SLC24A4: variants seen among roughly 807,000 people sequenced by gnomAD.
SLC24A4 encodes sodium/potassium/calcium exchanger 4.
SLC24A4 carries 53 observed loss-of-function variants against 79.0 expected under a neutral mutation model. That is an observed-to-expected ratio of 0.67 (90% CI 0.54 to 0.84). SLC24A4 has a LOEUF of 0.84. SLC24A4 is among the 40% of genes least tolerant of loss of function. The pLI is 0.00. For missense variants in SLC24A4, 731 were observed against 822.0 expected, an observed-to-expected ratio of 0.89 and a Z score of 1.35; for synonymous variants, 323 against 323.8, an observed-to-expected ratio of 1.00 and a Z score of 0.03.
intron 15 of SLC24A4, 116 bp downstream of exon 15, chr14:92,491,893 C>A: frequency 1.2e-6 from 1 of 808,362 alleles, no homozygotes; most frequent in East Asian, 2.6e-5. Flanking sequence ...ACTCAGACAC[C>A]CATTTTCCAT....
At chr14:92,444,525 A>T (rs1390122948) in intron 7 of SLC24A4, among the ~76,000 whole-genome samples, 1 of 152,220 alleles carries the variant, frequency 6.6e-6, no homozygotes, top group Non-Finnish European at 1.5e-5. Context: ...AAAATTAAGG[A>T]TTCACTAAAA....
At chr14:92,373,188 ACACACG>A (rs1475378624) in intron 2 of SLC24A4, among the ~76,000 whole-genome samples, 2 of 70,808 alleles carry the variant, frequency 2.8e-5, no homozygotes, top group African/African-American at 7.0e-5. Flanking sequence ...ACACACACAC[ACACACG>A]CACACACACA....
rs4900134 is a variant in SLC24A4, at chr14:92,500,776, T to C, written c.*7148T>C. 0.45 allele frequency: 68,385 copies of C among 152,250 alleles called. 16,193 individuals are homozygous for C. Among genetic ancestry groups the C allele is most frequent in the Non-Finnish European group, 0.53 (36,310 of 68,042 alleles). The allele number at this position is 152,250 out of a possible 1,614,324, so 9.4% of individuals were successfully genotyped here. ...CACACACTCCCTGGCAGGGCGCCTCTGCCTGTGTCTCCTGCCCAGCAGCCG... is the reference window on the plus strand; with the variant it reads ...CACACACTCCCTGGCAGGGCGCCTCCGCCTGTGTCTCCTGCCCAGCAGCCG... On this transcript the variant is annotated 3_prime_UTR_variant, in exon 17 of 17. Transcript: ENST00000532405.
At chr14:92,417,949 A>T (rs1247794257) in intron 2 of SLC24A4, among the ~76,000 whole-genome samples, 1 of 152,216 alleles carries the variant, frequency 6.6e-6, no homozygotes, top group Non-Finnish European at 1.5e-5. Flanking sequence ...TATACCCATC[A>T]TTAAGTAACA....
chr14:92,456,738 G>C, intron 12 of SLC24A4, 130 bp downstream of exon 12: 1 of 930,844 alleles, frequency 1.1e-6, no homozygotes, highest in South Asian at 1.6e-5. Context: ...GTCGATATTA[G>C]GTCACTGGAA....
chr14:92,364,968 C>T (rs139756619), intron 2 of SLC24A4, among the ~76,000 whole-genome samples: 1 of 152,354 alleles, frequency 6.6e-6, no homozygotes, highest in African/African-American at 2.4e-5. Flanking sequence ...CTGCCTTGCC[C>T]CTGCCCTTTC....
At position 92,456,427 on chromosome 14, in the gene SLC24A4, C is replaced by T; in HGVS notation, c.1074C>T (p.Ala358=). The change falls in exon 12 of 17, where the codon GCC becomes GCT. Residue 358 remains alanine (A), a synonymous_variant. Coordinates refer to ENST00000532405, the MANE Select transcript of SLC24A4 (RefSeq NM_153646.4). ...AGCGGCAGAGACTGATCAACTCGGC[C>T]AATGGTGTGAGCAGTAAGCCGCTTC... ...INERQRLINS[A]NGVSSKPLQN... The T allele has an allele frequency of 6.2e-7, 1 of 1,614,170 alleles. No individual in the cohort carries two copies. The highest frequency in any genetic ancestry group is 8.5e-7 in the Non-Finnish European group (1 of 1,180,030).
chr14:92,455,974 T>A (rs1051912654), intron 11 of SLC24A4, among the ~76,000 whole-genome samples: 3 of 152,228 alleles, frequency 2.0e-5, no homozygotes, highest in African/African-American at 7.2e-5. Flanking sequence ...GTGCTGGGAT[T>A]ACAAGCATGA....
chr14:92,430,855 T>A (rs568759748), intron 2 of SLC24A4, among the ~76,000 whole-genome samples: 1 of 152,296 alleles, frequency 6.6e-6, no homozygotes, highest in Admixed American at 6.5e-5. Context: ...GGCTTAAGGA[T>A]GACCTCAAAA....
At position 92,433,977 on chromosome 14, in the gene SLC24A4, C is replaced by T; in HGVS notation, c.307C>T (p.His103Tyr). The change falls in exon 3 of 17, where the codon CAC (histidine) becomes TAC (tyrosine). Residue 103 changes from histidine to tyrosine, a missense_variant. Physicochemically the swap from His to Tyr is moderately conservative, Grantham distance 83 (BLOSUM62 2). Transcript: ENST00000532405. Reference sequence around the variant, plus strand: ...GCGACAGCACGGAGCCGTCCTGCTGCACATCCTTGGTGTAAGTCGTCCTCC... The same window carrying T: ...GCGACAGCACGGAGCCGTCCTGCTGTACATCCTTGGTGTAAGTCGTCCTCC... ...KERQHGAVLL[H>Y]ILGALYMFYA... 1 of 1,614,054 alleles carries T rather than the reference C, an allele frequency of 6.2e-7. No homozygotes were observed. The highest frequency in any genetic ancestry group is 8.5e-7 in the Non-Finnish European group (1 of 1,179,856).
intron 2 of SLC24A4, among the ~76,000 whole-genome samples, chr14:92,397,309 G>T (rs1221482893): frequency 1.3e-5 from 2 of 152,184 alleles, no homozygotes; most frequent in African/African-American, 4.8e-5. Context: ...TTGGCATCTG[G>T]CTGGGCAGCA....
intron 2 of SLC24A4, among the ~76,000 whole-genome samples, chr14:92,410,533 A>G (rs1030554512): frequency 6.6e-6 from 1 of 152,188 alleles, no homozygotes. Flanking sequence ...ATGGATGCCC[A>G]TGAGAGAGTG....
intron 2 of SLC24A4, among the ~76,000 whole-genome samples, chr14:92,346,980 G>A (rs1244043819): frequency 3.9e-5 from 6 of 152,076 alleles, no homozygotes; most frequent in Admixed American, 3.9e-4. Flanking sequence ...CAAGAGTCAG[G>A]GTTCGGCTGA....
At chr14:92,393,515 G>A (rs1202297753) in intron 2 of SLC24A4, among the ~76,000 whole-genome samples, 1 of 150,270 alleles carries the variant, frequency 6.7e-6, no homozygotes, top group African/African-American at 2.5e-5. Flanking sequence ...AAATGGCCAT[G>A]GTTTCCAGTT....
At chr14:92,337,123 GCAGTGATGCCTGGGAGATGC>G (rs1249344179) in intron 2 of SLC24A4, among the ~76,000 whole-genome samples, 1 of 152,036 alleles carries the variant, frequency 6.6e-6, no homozygotes, top group Admixed American at 6.5e-5. Context: ...GGAGGGGGTG[GCAGTGATGCCTGGGAGATGC>G]CAGCTACCTG....
intron 3 of SLC24A4, among the ~76,000 whole-genome samples, chr14:92,438,062 A>C (rs1765460308): frequency 1.3e-5 from 2 of 152,134 alleles, no homozygotes; most frequent in African/African-American, 4.8e-5. Flanking sequence ...CCTCTAACTC[A>C]ATTCAGTTCT....
chr14:92,419,932 G>A (rs60847447), intron 2 of SLC24A4, among the ~76,000 whole-genome samples: 13,976 of 152,184 alleles, frequency 0.092, 1,078 homozygotes, highest in African/African-American at 0.19. Context: ...GCTGGATGAA[G>A]GTGAGCTCTA....
At chr14:92,417,093 A>G (rs1891018826) in intron 2 of SLC24A4, among the ~76,000 whole-genome samples, 1 of 152,210 alleles carries the variant, frequency 6.6e-6, no homozygotes, top group Non-Finnish European at 1.5e-5. Context: ...TGCTTGAACT[A>G]TAGTGCTTGG....
intron 15 of SLC24A4, 150 bp downstream of exon 15, chr14:92,491,927 GATGT>G (rs1308838939): frequency 2.9e-6 from 2 of 700,120 alleles, no homozygotes; most frequent in African/African-American, 3.6e-5. Context: ...GCACCTTAGG[GATGT>G]CTACACTTCC....
Sources: gnomAD v4.1 joint callset for allele counts (sites outside exome capture counted in the v4.1 genomes callset) on GRCh38, gnomAD v4.1.1 for gene constraint, MANE v1.5 for transcripts, NCBI Gene and HGNC (gene_info 2026-07-23, HGNC 2026-07-21) for gene names.